PDE1A: variants seen among roughly 807,000 people sequenced by gnomAD.
The protein encoded by PDE1A is phosphodiesterase 1A.
In PDE1A, 35 loss-of-function variants were observed where a neutral mutation model predicts 61.7. The observed-to-expected ratio is 0.57, with a 90% confidence interval of 0.43 to 0.75. The LOEUF is 0.75. PDE1A is among the 30% of genes least tolerant of loss of function. The probability of loss-of-function intolerance (pLI) is 0.00; values close to 1 mark genes in which losing one functional copy is unlikely to be tolerated. For synonymous variants in PDE1A, 232 were observed against 213.2 expected (o/e 1.09, Z -0.77); for missense variants, 597 against 630.6 (o/e 0.95, Z 0.57).
chr2:182,597,032 A>C, the PDE1A span, among the ~76,000 whole-genome samples: 1 of 152,026 alleles, frequency 6.6e-6, no homozygotes, highest in East Asian at 1.9e-4. Context: ...GAATGCCTGC[A>C]GTCCCAGCTG....
At chr2:182,430,909 A>AATT (rs1312167944), upstream of PDE1A, among the ~76,000 whole-genome samples, 1 of 115,890 alleles carries the variant, frequency 8.6e-6, no homozygotes, top group African/African-American at 3.3e-5. Context: ...TTGAACAATG[A>AATT]GATCACATGG....
chr2:182,692,502 C>T, the PDE1A span, among the ~76,000 whole-genome samples: 1 of 151,648 alleles, frequency 6.6e-6, no homozygotes, highest in African/African-American at 2.4e-5. Context: ...GGGAACATCA[C>T]ACACTGGGGC....
chr2:182,522,423 G>C, intron 1 of PDE1A: 1 of 1,611,136 alleles, frequency 6.2e-7, no homozygotes, highest in Non-Finnish European at 8.5e-7. Context: ...TCAGCAGCTA[G>C]AACAAGCATT....
intron 1 of PDE1A, among the ~76,000 whole-genome samples, chr2:182,368,577 T>G (rs1162284251): frequency 6.6e-6 from 1 of 151,972 alleles, no homozygotes; most frequent in Admixed American, 6.6e-5. Flanking sequence ...GATTAAATGA[T>G]TCATCTGTTG....
At chr2:182,501,558 G>C (rs1182227348) in intron 2 of PDE1A, among the ~76,000 whole-genome samples, 1 of 152,138 alleles carries the variant, frequency 6.6e-6, no homozygotes, top group East Asian at 1.9e-4. Flanking sequence ...TTCTACAGAG[G>C]AAAATAAAAT....
chr2:182,420,206 T>C (rs1430829594), intron 1 of PDE1A, among the ~76,000 whole-genome samples: 1 of 152,078 alleles, frequency 6.6e-6, no homozygotes, highest in Non-Finnish European at 1.5e-5. Context: ...TTTTCTGTTT[T>C]CTGTTTTGTT....
intron 13 of PDE1A, among the ~76,000 whole-genome samples, chr2:182,177,329 GT>G (rs1183638228): frequency 6.6e-6 from 1 of 151,808 alleles, no homozygotes; most frequent in Non-Finnish European, 1.5e-5. Flanking sequence ...ACTCTTTTTG[GT>G]TGGTAAGCTA....
chr2:182,195,859 C>T lies in PDE1A; in HGVS notation c.1125+5580G>A, dbSNP rs767369330. On this transcript the variant is annotated intron_variant, in intron 10 of 13. Coordinates refer to ENST00000351439, the Ensembl canonical transcript of PDE1A. ...GAACAAAAATAAAACATACAAGAAC[C>T]ACTGCAGTCCTGCTAATTTCTAGGA... is the stretch of plus-strand genomic sequence containing the variant. Among the ~76,000 whole-genome samples, 89 of 151,996 alleles carry T rather than the reference C, an allele frequency of 5.9e-4. 2 individuals carry two copies. Among genetic ancestry groups the T allele is most frequent in the Non-Finnish European group, 1.8e-4 (12 of 67,938 alleles).
At chr2:182,417,156 C>T (rs1702970769) in intron 1 of PDE1A, among the ~76,000 whole-genome samples, 1 of 152,236 alleles carries the variant, frequency 6.6e-6, no homozygotes, top group Non-Finnish European at 1.5e-5. Context: ...TCTCCCTATT[C>T]CTGAGACTTT....
chr2:182,356,731 C>CA (rs1335545534), intron 1 of PDE1A, among the ~76,000 whole-genome samples: 2 of 151,496 alleles, frequency 1.3e-5, no homozygotes, highest in Non-Finnish European at 2.9e-5. Flanking sequence ...GAGACTGCCT[C>CA]AAAAAAAATT....
rs28807785 is a variant in PDE1A at position 182,385,666 on chromosome 2, A to G, written c.53+40912T>C. On this transcript the variant is annotated intron_variant, in intron 1 of 13. Transcript: ENST00000351439. ...AAGAAAGAAAGAAAGAAAGAAGAAA[A>G]AAAGAAAGAAAAGAAAGAAAGAAAG... Among the ~76,000 whole-genome samples, 48 of 108,998 alleles carry G rather than the reference A, an allele frequency of 4.4e-4. 1 individual carries two copies. Among genetic ancestry groups the G allele is most frequent in the African/African-American group, 7.0e-4 (20 of 28,402 alleles). The allele number at this position is 108,998 out of a possible 152,430, so 71.5% of individuals were successfully genotyped here.
At chr2:182,525,973 T>G (rs774963138), upstream of PDE1A, among the ~76,000 whole-genome samples, 48 of 151,994 alleles carry the variant, frequency 3.2e-4, no homozygotes, top group Non-Finnish European at 5.4e-4. Flanking sequence ...TGGAAAATCA[T>G]AAACAAAATC....
intron 1 of PDE1A, among the ~76,000 whole-genome samples, chr2:182,380,014 G>A (rs1287652436): frequency 1.3e-5 from 2 of 151,342 alleles, no homozygotes; most frequent in Non-Finnish European, 2.9e-5. Flanking sequence ...TGCTTACTAT[G>A]GTCCTTTACT....
chr2:182,519,335 A>G (rs1238864099), intron 2 of PDE1A, among the ~76,000 whole-genome samples: 2 of 152,082 alleles, frequency 1.3e-5, no homozygotes, highest in African/African-American at 2.4e-5. Flanking sequence ...TTATTTGCCC[A>G]TATTTCCACC....
the PDE1A span, among the ~76,000 whole-genome samples, chr2:182,608,654 G>C: frequency 6.6e-6 from 1 of 152,206 alleles, no homozygotes; most frequent in East Asian, 1.9e-4. Context: ...GGCAGGGCTC[G>C]GGACCTGCAG....
chr2:182,643,773 G>C, the PDE1A span, among the ~76,000 whole-genome samples: 3 of 152,182 alleles, frequency 2.0e-5, no homozygotes, highest in African/African-American at 7.2e-5. Context: ...GAGAAACTCA[G>C]TGTCAGATCT....
chr2:182,249,813 A>G (rs1691267095), intron 2 of PDE1A, among the ~76,000 whole-genome samples: 1 of 150,220 alleles, frequency 6.7e-6, no homozygotes. Flanking sequence ...GAACTGTTTG[A>G]GGATCGATAT....
chr2:182,524,751 A>AT, upstream of PDE1A, among the ~76,000 whole-genome samples: 1 of 152,208 alleles, frequency 6.6e-6, no homozygotes, highest in South Asian at 2.1e-4. Flanking sequence ...AAAATTCAAT[A>AT]TAAGTTCTGC....
At chr2:182,186,355 C>G in intron 12 of PDE1A, 113 bp downstream of exon 12, 1 of 1,281,814 alleles carries the variant, frequency 7.8e-7, no homozygotes, top group Non-Finnish European at 1.1e-6. Flanking sequence ...GGCAATACTC[C>G]CTAATAATTC....
Sources: allele counts gnomAD v4.1 joint callset (sites outside exome capture counted in the v4.1 genomes callset), GRCh38; gene constraint gnomAD v4.1.1; transcripts MANE v1.5; gene names NCBI Gene and HGNC (gene_info 2026-07-23, HGNC 2026-07-21).